IL15RA: variants seen among roughly 807,000 people sequenced by gnomAD.
The protein encoded by IL15RA is interleukin-15 receptor subunit alpha.
In IL15RA, 26 loss-of-function variants were observed where a neutral mutation model predicts 24.2. The observed-to-expected ratio is 1.07, with a 90% CI of 0.79 to 1.49. IL15RA has a LOEUF of 1.49. Among genes scored for constraint, IL15RA ranks in the 40% most tolerant of loss-of-function variants. The pLI is 0.00. For missense variants in IL15RA, 354 were observed against 356.4 expected (o/e 0.99, Z 0.05); for synonymous variants, 166 against 157.6 (o/e 1.05, Z -0.40).
At position 5,955,024 on chromosome 10, in the gene IL15RA, C is replaced by T. The variant is rs1834326762; in HGVS notation, c.692+1355G>A. Among the ~76,000 whole-genome samples the T allele has an allele frequency of 6.6e-6, 1 of 151,580 alleles. No homozygotes were observed. The highest frequency in any genetic ancestry group is 6.6e-5 in the Admixed American group (1 of 15,218). ...GAAGATTTATGTGAAGTTTTAGATA[C>T]TGGTTTTCATTTTGACTTTATAGTA... On this transcript the variant is annotated intron_variant, in intron 6 of 6. Coordinates refer to ENST00000379977, the MANE Select transcript of IL15RA (RefSeq NM_002189.4). This position sits in a 1 kb window ranked among gnomAD's most constrained non-coding sequence, Gnocchi z 5.3.
chr10:5,954,545 C>T (rs1468595047), intron 6 of IL15RA, among the ~76,000 whole-genome samples: 5 of 152,202 alleles, frequency 3.3e-5, no homozygotes, highest in Non-Finnish European at 5.9e-5. Flanking sequence ...CCTTCCACCT[C>T]AGCCTCCCAA....
At position 5,965,406 on chromosome 10, in the gene IL15RA, A is replaced by T. The variant is rs1836341993; in HGVS notation, c.283+739T>A. 6.6e-6 allele frequency among the ~76,000 whole-genome samples: 1 copy of T among 152,236 alleles called. No individual in the cohort carries two copies. Among genetic ancestry groups the T allele is most frequent in the Admixed American group, 6.5e-5 (1 of 15,282 alleles). On this transcript the variant is annotated intron_variant, in intron 2 of 6. Transcript: ENST00000379977. This position sits in a 1 kb window ranked among gnomAD's most constrained non-coding sequence, Gnocchi z 5.8. ...CTCATGGGAAATCCAAACATTTCTC[A>T]CACTAGCGTGCTCATGAGTGCCCGC...
rs1476852249 is a variant in IL15RA, at chr10:5,963,189, G to T, written c.382+554C>A. On this transcript the variant is annotated intron_variant, in intron 3 of 6. Transcript: ENST00000379977. The surrounding 1 kb of genome is among the most constrained non-coding windows in gnomAD (Gnocchi z 5.3). ...GGGACATGGTCTCCCCTGGAGCAGA[G>T]AGCAGGTGTGATTACTGCCCATGAC... 6.6e-6 allele frequency among the ~76,000 whole-genome samples: 1 copy of T among 152,230 alleles called. No homozygotes were observed. Among genetic ancestry groups the T allele is most frequent in the African/African-American group, 2.4e-5 (1 of 41,456 alleles).
Position 5,960,298 on chromosome 10 carries a change from G to T in IL15RA, c.583+69C>A. The T allele has an allele frequency of 7.2e-7, 1 of 1,390,846 alleles. No individual in the cohort carries two copies. Among genetic ancestry groups the T allele is most frequent in the East Asian group, 2.3e-5 (1 of 43,852 alleles). The allele number at this position is 1,390,846 out of a possible 1,614,324, so 86.2% of individuals were successfully genotyped here. Reference sequence around the variant, plus strand: ...TGATGGTATAAAGCTGCCTTGTGCCGGATCTCAGCCCCGATCTCAGAAGCA... The same window carrying T: ...TGATGGTATAAAGCTGCCTTGTGCCTGATCTCAGCCCCGATCTCAGAAGCA... On this transcript the variant is annotated intron_variant, in intron 4 of 6. Transcript: ENST00000379977. The surrounding 1 kb of genome is among the most constrained non-coding windows in gnomAD (Gnocchi z 5.1).
In IL15RA at chr10:5,968,769, G is replaced by A; in HGVS notation, c.89-2430C>T. Reference sequence around the variant, plus strand: ...ATCCTGCCCTCCATGATAGATGGCTGTGCTACCTGCTTGCTGCCTGCTTGT... The same window carrying A: ...ATCCTGCCCTCCATGATAGATGGCTATGCTACCTGCTTGCTGCCTGCTTGT... On this transcript the variant is annotated intron_variant, in intron 1 of 6. Coordinates refer to ENST00000379977, the MANE Select transcript of IL15RA (RefSeq NM_002189.4). The surrounding 1 kb of genome is among the most constrained non-coding windows in gnomAD (Gnocchi z 5.4). 1 of 703,494 alleles carries A rather than the reference G, an allele frequency of 1.4e-6. No homozygotes were observed. The highest frequency in any genetic ancestry group is 2.6e-6 in the Non-Finnish European group (1 of 385,868). The allele number at this position is 703,494 out of a possible 1,614,324, so 43.6% of individuals were successfully genotyped here.
Position 5,977,503 on chromosome 10 carries a change from C to T in IL15RA, c.-11G>A. On this transcript the variant is annotated 5_prime_UTR_variant, in exon 1 of 7. Coordinates refer to ENST00000379977, the MANE Select transcript of IL15RA (RefSeq NM_002189.4). The stretch of plus-strand genomic sequence containing the variant: ...CCGCCGCGGGGCCATGGCGGCAGCT[C>T]CACAGGACACCGCTGGACTCCCCGG... 1 of 1,347,460 alleles carries T rather than the reference C, an allele frequency of 7.4e-7. No homozygotes were observed. The highest frequency in any genetic ancestry group is 1.5e-5 in the African/African-American group (1 of 65,802). The allele number at this position is 1,347,460 out of a possible 1,614,324, so 83.5% of individuals were successfully genotyped here.
Position 5,959,381 on chromosome 10 carries a change from G to A in IL15RA, c.616+373C>T, listed in dbSNP as rs1478204356. On this transcript the variant is annotated intron_variant, in intron 5 of 6. Transcript: ENST00000379977. This position sits in a 1 kb window ranked among gnomAD's most constrained non-coding sequence, Gnocchi z 4.1. ...GGTGCCACGCCCTGGAGAGGAATTG[G>A]CAGCTTCTGGCAGAGATGCTGTAAC... is the stretch of plus-strand genomic sequence containing the variant. Among the ~76,000 whole-genome samples the A allele has an allele frequency of 6.6e-6, 1 of 152,004 alleles. No individual in the cohort carries two copies. Among genetic ancestry groups the A allele is most frequent in the African/African-American group, 2.4e-5 (1 of 41,404 alleles).
upstream of IL15RA, chr10:5,977,886 G>C (rs750608922): frequency 4.0e-4 from 139 of 346,288 alleles, no homozygotes; most frequent in Non-Finnish European, 6.8e-4. Flanking sequence ...AAAGTCATCG[G>C]AGAGCAGACT....
At chr10:5,969,899 C>T (rs933231358) in intron 1 of IL15RA, among the ~76,000 whole-genome samples, 2 of 152,202 alleles carry the variant, frequency 1.3e-5, no homozygotes, top group African/African-American at 4.8e-5. Flanking sequence ...TTTTGTCAGA[C>T]ATATCCCTAA....
Position 5,956,957 on chromosome 10 carries a change from A to ATTT in IL15RA, c.617-506_617-504dup, listed in dbSNP as rs767909938. Among the ~76,000 whole-genome samples, 509 of 127,640 alleles carry ATTT rather than the reference A, an allele frequency of 4.0e-3. 5 individuals are homozygous for ATTT. The highest frequency in any genetic ancestry group is 7.6e-3 in the Admixed American group (92 of 12,148). The allele number at this position is 127,640 out of a possible 152,430, so 83.7% of individuals were successfully genotyped here. ...CAATTTCATTTTTTTTTCACTTGCAATTTTTTTTTTTTTTTTTTTTGAGAC... is the reference window on the plus strand; with the variant it reads ...CAATTTCATTTTTTTTTCACTTGCAATTTTTTTTTTTTTTTTTTTTTTTGAGAC... On this transcript the variant is annotated intron_variant, in intron 5 of 6. Transcript: ENST00000379977.
rs1216153239 is a variant in IL15RA, at chr10:5,969,337, T to A, written c.89-2998A>T. Among the ~76,000 whole-genome samples the A allele has an allele frequency of 2.1e-5, 3 of 142,682 alleles. No individual in the cohort carries two copies. In the East Asian group the frequency reaches 6.0e-4, roughly 28 times the overall value. The allele number at this position is 142,682 out of a possible 152,430, so 93.6% of individuals were successfully genotyped here. A position where few individuals can be genotyped will look rare whatever the true frequency, so the allele number is the denominator to read the frequency against. On this transcript the variant is annotated intron_variant, in intron 1 of 6. Transcript: ENST00000379977. The stretch of plus-strand genomic sequence containing the variant: ...TTTAATTAAATTTTTAAAATTAAAA[T>A]TTTTAAATTAAATTTTTTAAATTAA...
intron 5 of IL15RA, 105 bp from the exon 6 acceptor site, chr10:5,956,559 C>T: frequency 1.3e-6 from 1 of 793,856 alleles, no homozygotes; most frequent in East Asian, 2.6e-5. Context: ...AAGTGCCTCC[C>T]AACCAGCCTC....
At chr10:5,978,623 G>A (rs1347120186), upstream of IL15RA, among the ~76,000 whole-genome samples, 2 of 152,150 alleles carry the variant, frequency 1.3e-5, no homozygotes, top group African/African-American at 4.8e-5. The surrounding 1 kb of genome is among the most constrained non-coding windows in gnomAD (Gnocchi z 5.2). Context: ...AGGGCCGAGC[G>A]CGGTGGCCAC....
In IL15RA at chr10:5,963,685, C is replaced by G. The variant is rs576241814; in HGVS notation, c.382+58G>C. 1 of 1,091,760 alleles carries G rather than the reference C, an allele frequency of 9.2e-7. No homozygotes were observed. 67.6% of individuals were successfully genotyped at this position (1,091,760 alleles called of 1,614,324 possible). A position where few individuals can be genotyped will look rare whatever the true frequency, so the allele number is the denominator to read the frequency against. ...TCCGTGAGTCTGCAGGATTGGTGAG[C>G]GGGCCTCTGGGTGTTGGGAGGGAAT... On this transcript the variant is annotated intron_variant, in intron 3 of 6. Coordinates refer to ENST00000379977, the MANE Select transcript of IL15RA (RefSeq NM_002189.4). This position sits in a 1 kb window ranked among gnomAD's most constrained non-coding sequence, Gnocchi z 5.3.
At chr10:5,949,751 C>T (rs1004334154), downstream of IL15RA, among the ~76,000 whole-genome samples, 1 of 152,110 alleles carries the variant, frequency 6.6e-6, no homozygotes, top group African/African-American at 2.4e-5. The surrounding 1 kb of genome is among the most constrained non-coding windows in gnomAD (Gnocchi z 4.4). Flanking sequence ...TGCATCTATA[C>T]AAGGGAATAA....
rs1019040944 is a variant in IL15RA at position 5,970,965 on chromosome 10, C to G, written c.89-4626G>C. Among the ~76,000 whole-genome samples, 3 of 151,938 alleles carry G rather than the reference C, an allele frequency of 2.0e-5. No homozygotes were observed. The highest frequency in any genetic ancestry group is 7.3e-5 in the African/African-American group (3 of 41,340). On this transcript the variant is annotated intron_variant, in intron 1 of 6. Transcript: ENST00000379977. The surrounding 1 kb of genome is among the most constrained non-coding windows in gnomAD (Gnocchi z 4.1). ...TAGAGATGGGGTCTCACCATGTTGC[C>G]CAGCCTGGTCTCAAACTCCTGAACT...
At position 5,953,154 on chromosome 10, in the gene IL15RA, C is replaced by G; in HGVS notation, c.745G>C (p.Val249Leu). Residue 249 changes from valine to leucine, a missense_variant, in exon 7 of 7, where the codon GTG becomes CTG. Transcript: ENST00000379977. The surrounding 1 kb of genome is among the most constrained non-coding windows in gnomAD (Gnocchi z 5.3). ...VEMEAMEALP[V>L]TWGTSSRDED... Reference sequence around the variant, plus strand: ...TCTCTGCTGCTGGTCCCCCAAGTCACCGGCAGAGCCTCCATGGCTTCCATT... The same window carrying G: ...TCTCTGCTGCTGGTCCCCCAAGTCAGCGGCAGAGCCTCCATGGCTTCCATT... The G allele has an allele frequency of 6.2e-7, 1 of 1,614,266 alleles. No individual in the cohort carries two copies. The highest frequency in any genetic ancestry group is 1.3e-5 in the African/African-American group (1 of 75,076).
rs1834389849 is a variant in IL15RA, at chr10:5,955,511, T to C, written c.692+868A>G. Among the ~76,000 whole-genome samples, 1 of 152,174 alleles carries C rather than the reference T, an allele frequency of 6.6e-6. No homozygotes were observed. Among genetic ancestry groups the C allele is most frequent in the Non-Finnish European group, 1.5e-5 (1 of 68,030 alleles). Reference sequence around the variant, plus strand: ...ATCTGATATCCGTATCAGTATGGAATGCTGGAATACTGGTTACTAATTGAT... The same window carrying C: ...ATCTGATATCCGTATCAGTATGGAACGCTGGAATACTGGTTACTAATTGAT... On this transcript the variant is annotated intron_variant, in intron 6 of 6. Coordinates refer to ENST00000379977, the MANE Select transcript of IL15RA (RefSeq NM_002189.4). This position sits in a 1 kb window ranked among gnomAD's most constrained non-coding sequence, Gnocchi z 5.3.
At position 5,952,768 on chromosome 10, in the gene IL15RA, T is replaced by G; in HGVS notation, c.*327A>C. On this transcript the variant is annotated 3_prime_UTR_variant, in exon 7 of 7. Transcript: ENST00000379977. The stretch of plus-strand genomic sequence containing the variant: ...AGGGACGGAAGATTCGGGGCAGGGT[T>G]TTTATTTCATTACCACATGTATTCC... The G allele has an allele frequency of 2.9e-6, 1 of 347,798 alleles. No homozygotes were observed. The highest frequency in any genetic ancestry group is 5.2e-6 in the Non-Finnish European group (1 of 191,744). 21.5% of individuals were successfully genotyped at this position (347,798 alleles called of 1,614,324 possible).
Sources: gnomAD v4.1 joint callset for allele counts (sites outside exome capture counted in the v4.1 genomes callset) on GRCh38, gnomAD v4.1.1 for gene constraint, Gnocchi (gnomAD v3.1) non-coding constraint, MANE v1.5 for transcripts, NCBI Gene and HGNC (gene_info 2026-07-23, HGNC 2026-07-21) for gene names.